Variants in FKBP9 observed in about 807,000 individuals in gnomAD.
FKBP9 encodes peptidyl-prolyl cis-trans isomerase FKBP9.
Under a neutral mutation model 55.6 loss-of-function variants are expected in FKBP9, and 27 were observed. The ratio of observed to expected loss-of-function variants is 0.49; its 90% CI spans 0.36 to 0.67. The LOEUF (loss-of-function observed/expected upper bound fraction) is 0.67. Ranked by LOEUF, FKBP9 falls within the 30% of genes least tolerant of loss-of-function variation. FKBP9 has a pLI of 0.00. For synonymous variants in FKBP9, 267 were observed against 296.5 expected (o/e 0.90, Z 1.02); for missense variants, 539 against 742.8 (o/e 0.73, Z 3.19).
At position 32,994,284 on chromosome 7, in the gene FKBP9, T is replaced by C. The variant is rs141626941; in HGVS notation, c.1040-1879T>C. Among the ~76,000 whole-genome samples the C allele has an allele frequency of 2.2e-3, 328 of 152,338 alleles. 2 individuals carry two copies. Among genetic ancestry groups the C allele is most frequent in the African/African-American group, 7.6e-3 (316 of 41,574 alleles). The stretch of plus-strand genomic sequence containing the variant: ...TCCCCCACGCTGGCAACAGGTAGTC[T>C]ATTTCTTGTCTGTATGGATTTGCTT... On this transcript the variant is annotated intron_variant, in intron 6 of 9. Coordinates refer to ENST00000242209, the MANE Select transcript of FKBP9 (RefSeq NM_007270.5).
intron 6 of FKBP9, among the ~76,000 whole-genome samples, chr7:32,991,600 T>C (rs1205168009): frequency 1.3e-5 from 2 of 151,756 alleles, no homozygotes; most frequent in East Asian, 3.9e-4. Flanking sequence ...CCGTGTGCTC[T>C]CAGCCTCTAT....
intron 1 of FKBP9, among the ~76,000 whole-genome samples, chr7:32,964,340 TTTACTGGGC>T (rs1261244204): frequency 1.3e-5 from 2 of 152,232 alleles, no homozygotes; most frequent in African/African-American, 4.8e-5. Flanking sequence ...TGTATGGTAT[TTTACTGGGC>T]TAAGCCCTGT....
intron 7 of FKBP9, among the ~76,000 whole-genome samples, chr7:32,999,322 A>G (rs1415751587): frequency 1.3e-5 from 2 of 152,192 alleles, no homozygotes; most frequent in Non-Finnish European, 2.9e-5. Flanking sequence ...GGAGTAAAGA[A>G]CATCAACACT....
Position 32,958,996 on chromosome 7 carries a change from C to A in FKBP9, c.221+1202C>A, listed in dbSNP as rs936809943. Among the ~76,000 whole-genome samples, 6 of 152,096 alleles carry A rather than the reference C, an allele frequency of 3.9e-5. No homozygotes were observed. In the East Asian group the frequency reaches 1.2e-3, roughly 29 times the overall value. On this transcript the variant is annotated intron_variant, in intron 1 of 9. Coordinates refer to ENST00000242209, the MANE Select transcript of FKBP9 (RefSeq NM_007270.5). ...GGTCATTACGAATATTTTGTAGACT[C>A]TTGACTTTTTTGAAGTTCCAGACAA... is the stretch of plus-strand genomic sequence containing the variant.
chr7:32,996,374 G>A (rs199949705), intron 7 of FKBP9, 25 bp downstream of exon 7: 1 of 1,581,584 alleles, frequency 6.3e-7, no homozygotes, highest in African/African-American at 1.3e-5. Context: ...AATGGTGTGG[G>A]AGTGAGCCTG....
intron 1 of FKBP9, among the ~76,000 whole-genome samples, chr7:32,967,402 C>T (rs1784166151): frequency 6.6e-6 from 1 of 152,216 alleles, no homozygotes; most frequent in Non-Finnish European, 1.5e-5. Context: ...TCCTTGTCCG[C>T]TGATAACAAC....
At chr7:32,998,010 AT>A (rs1784851254) in intron 7 of FKBP9, among the ~76,000 whole-genome samples, 1 of 152,220 alleles carries the variant, frequency 6.6e-6, no homozygotes. Context: ...CAGTCATAAA[AT>A]GTATCCTAAT....
At chr7:32,997,138 C>T (rs960628272) in intron 7 of FKBP9, among the ~76,000 whole-genome samples, 8 of 151,848 alleles carry the variant, frequency 5.3e-5, no homozygotes, top group African/African-American at 1.7e-4. Context: ...GGTGCTATCT[C>T]GGCTCACTGC....
At chr7:32,987,413 T>G (rs1368936369) in intron 5 of FKBP9, among the ~76,000 whole-genome samples, 1 of 151,356 alleles carries the variant, frequency 6.6e-6, no homozygotes, top group Non-Finnish European at 1.5e-5. Context: ...AAGGATCACT[T>G]GAGCCCAGGA....
At chr7:32,999,607 G>A (rs1439159139) in intron 7 of FKBP9, among the ~76,000 whole-genome samples, 2 of 151,584 alleles carry the variant, frequency 1.3e-5, no homozygotes, top group Admixed American at 6.6e-5. Context: ...GATTTAAAAC[G>A]TCCCTGTGAG....
chr7:32,997,937 A>T (rs1784850083), intron 7 of FKBP9, among the ~76,000 whole-genome samples: 1 of 152,238 alleles, frequency 6.6e-6, no homozygotes, highest in Admixed American at 6.5e-5. Context: ...AACTCTAAAG[A>T]GCGTGATGGA....
chr7:33,003,053 G>A, intron 9 of FKBP9: 1 of 535,708 alleles, frequency 1.9e-6, no homozygotes, highest in African/African-American at 1.9e-5. Context: ...GATTCCCTAA[G>A]AGGTGTAGGG....
At chr7:32,977,557 A>G (rs1277596017) in intron 4 of FKBP9, among the ~76,000 whole-genome samples, 3 of 151,928 alleles carry the variant, frequency 2.0e-5, no homozygotes, top group Middle Eastern at 3.2e-3. Flanking sequence ...TCATGGGACC[A>G]CTCTCATATA....
At chr7:32,985,224 G>A (rs890649823) in intron 5 of FKBP9, among the ~76,000 whole-genome samples, 2 of 148,436 alleles carry the variant, frequency 1.3e-5, no homozygotes, top group Non-Finnish European at 3.0e-5. Flanking sequence ...TGCCCAGGCT[G>A]GAGTGCAATG....
chr7:32,992,435 C>G (rs1362989227), intron 6 of FKBP9, among the ~76,000 whole-genome samples: 1 of 152,162 alleles, frequency 6.6e-6, no homozygotes, highest in East Asian at 1.9e-4. Context: ...GGCTATTGGC[C>G]GCTTTTAAGT....
chr7:32,979,314 T>C (rs1784424261), intron 4 of FKBP9, among the ~76,000 whole-genome samples: 1 of 152,192 alleles, frequency 6.6e-6, no homozygotes, highest in Non-Finnish European at 1.5e-5. Flanking sequence ...ATGGTTACTT[T>C]TAAGGCTTTC....
intron 5 of FKBP9, among the ~76,000 whole-genome samples, chr7:32,983,185 A>G (rs981523743): frequency 1.3e-5 from 2 of 151,756 alleles, no homozygotes; most frequent in Non-Finnish European, 2.9e-5. Flanking sequence ...CACCACTCCC[A>G]GCTAATTTTG....
chr7:32,999,737 GTTT>G (rs1431098711), intron 7 of FKBP9, among the ~76,000 whole-genome samples: 1 of 152,076 alleles, frequency 6.6e-6, no homozygotes, highest in Non-Finnish European at 1.5e-5. Context: ...AAAAGCCAGG[GTTT>G]TTTGTCTTGT....
intron 1 of FKBP9, among the ~76,000 whole-genome samples, chr7:32,972,364 G>A (rs2953546): frequency 6.6e-6 from 1 of 152,280 alleles, no homozygotes; most frequent in Middle Eastern, 3.4e-3. Context: ...TAGGAGGAGA[G>A]GGAGAAGAGG....
Sources: gnomAD v4.1 joint callset for allele counts (sites outside exome capture counted in the v4.1 genomes callset) on GRCh38, gnomAD v4.1.1 for gene constraint, MANE v1.5 for transcripts, NCBI Gene and HGNC (gene_info 2026-07-23, HGNC 2026-07-21) for gene names.